Variants in MEI1 observed in about 807,000 individuals in gnomAD.
MEI1 encodes the protein meiosis inhibitor protein 1.
In MEI1, 103 loss-of-function variants were observed where a neutral mutation model predicts 146.2. That is an observed-to-expected ratio of 0.70 (90% CI 0.60 to 0.83). The LOEUF is 0.83. Among genes scored for constraint, MEI1 ranks in the 40% least tolerant of loss-of-function variants. The pLI is 0.00. For missense variants in MEI1, 1,529 were observed against 1,533.0 expected (o/e 1.00, Z 0.04); for synonymous variants, 652 against 628.2 (o/e 1.04, Z -0.57).
At chr22:41,790,076 T>C (rs79121134) in intron 26 of MEI1, among the ~76,000 whole-genome samples, 8,105 of 152,210 alleles carry the variant, frequency 0.053, 670 homozygotes, top group African/African-American at 0.18. Context: ...AAAACTAGTT[T>C]GTTTGTTTTT....
intron 11 of MEI1, among the ~76,000 whole-genome samples, chr22:41,737,736 C>A (rs1232341551): frequency 6.6e-6 from 1 of 152,072 alleles, no homozygotes; most frequent in Non-Finnish European, 1.5e-5. Flanking sequence ...CCGCCTCCCC[C>A]CACTAAAATA....
chr22:41,753,143 G>A (rs1405600378), intron 16 of MEI1, among the ~76,000 whole-genome samples: 1 of 151,768 alleles, frequency 6.6e-6, no homozygotes, highest in Non-Finnish European at 1.5e-5. Context: ...CTCAGCACCT[G>A]AATAGCTGGG....
intron 19 of MEI1, 25 bp downstream of exon 19, chr22:41,763,346 C>T: frequency 6.8e-6 from 11 of 1,611,474 alleles, no homozygotes; most frequent in East Asian, 2.2e-5. Flanking sequence ...GCCTGGGCTC[C>T]TTGTCCTTCT....
At chr22:41,777,010 T>C (rs1437547757) in intron 21 of MEI1, among the ~76,000 whole-genome samples, 2 of 151,744 alleles carry the variant, frequency 1.3e-5, no homozygotes, top group African/African-American at 2.4e-5. Context: ...AGAGACGGGG[T>C]TTCACCATGT....
chr22:41,711,810 G>A (rs951006366), intron 3 of MEI1, among the ~76,000 whole-genome samples: 1 of 152,120 alleles, frequency 6.6e-6, no homozygotes, highest in Admixed American at 6.6e-5. Flanking sequence ...TTGGAGCTAA[G>A]AGATAATGTT....
In MEI1 at chr22:41,778,706, A is replaced by C; in HGVS notation, c.2711-2A>C. The C allele has an allele frequency of 6.3e-7, 1 of 1,596,690 alleles. No homozygotes were observed. Among genetic ancestry groups the C allele is most frequent in the Non-Finnish European group, 8.5e-7 (1 of 1,171,796 alleles). On this transcript the variant is annotated splice_acceptor_variant, in intron 21 of 30. Coordinates refer to ENST00000401548, the MANE Select transcript of MEI1 (RefSeq NM_152513.4). LOFTEE classifies it high-confidence loss of function. The stretch of plus-strand genomic sequence containing the variant: ...TTGCCCAGTCCTCCTTGTTCTTCAC[A>C]GCCTCGGGGAACCTACCATTGCTGC...
rs749397929 is a variant in MEI1, at chr22:41,743,192, C to A, written c.1444C>A (p.Leu482Met). 1 of 1,611,230 alleles carries A rather than the reference C, an allele frequency of 6.2e-7. No homozygotes were observed. Among genetic ancestry groups the A allele is most frequent in the East Asian group, 2.2e-5 (1 of 44,862 alleles). The change falls in exon 12 of 31, where the codon CTG becomes ATG. Residue 482 changes from leucine (L) to methionine (M), a missense_variant and splice_region_variant. Physicochemically the swap from Leu to Met is conservative, Grantham distance 15 (BLOSUM62 2). Around this residue, in one of 3 missense-constraint regions of MEI1, gnomAD observed 1,212 missense variants for 1,178.9 expected, o/e 1.03. Transcript: ENST00000401548. ...FSQTLLSRRP[L>M]GHASSRDSEK... The stretch of plus-strand genomic sequence containing the variant: ...CCAGACCTTGCTGAGCAGGAGGCCC[C>A]TGGTCAGTGTACTGCAGCCTGCTGC...
chr22:41,740,540 G>C (rs2072772740), intron 11 of MEI1, among the ~76,000 whole-genome samples: 1 of 152,032 alleles, frequency 6.6e-6, no homozygotes, highest in African/African-American at 2.4e-5. Flanking sequence ...TCAGGAATTT[G>C]AGACTAGCCT....
At chr22:41,703,626 A>T (rs926487163) in intron 2 of MEI1, among the ~76,000 whole-genome samples, 172 bp downstream of exon 2, 1 of 152,234 alleles carries the variant, frequency 6.6e-6, no homozygotes, top group African/African-American at 2.4e-5. Context: ...CTAAGATCCA[A>T]GATGCATTTT....
intron 22 of MEI1, among the ~76,000 whole-genome samples, chr22:41,780,725 T>C (rs2075717801): frequency 6.6e-6 from 1 of 151,926 alleles, no homozygotes; most frequent in East Asian, 1.9e-4. Flanking sequence ...GGACTACCAG[T>C]GTGTGCCACC....
chr22:41,784,245 T>G, intron 24 of MEI1, 94 bp from the exon 25 acceptor site: 1 of 1,069,676 alleles, frequency 9.3e-7, no homozygotes, highest in Non-Finnish European at 1.4e-6. Flanking sequence ...AGTGGATATG[T>G]GGGGGGAGGT....
intron 30 of MEI1, among the ~76,000 whole-genome samples, chr22:41,797,366 C>T (rs2076400108): frequency 6.6e-6 from 1 of 151,288 alleles, no homozygotes; most frequent in Admixed American, 6.6e-5. Flanking sequence ...AATCCTAGCA[C>T]TTTGGGAGGC....
At position 41,721,626 on chromosome 22, in the gene MEI1, C is replaced by T. The variant is rs367765462; in HGVS notation, c.734-2317C>T. 7.3e-5 allele frequency among the ~76,000 whole-genome samples: 11 copies of T among 151,276 alleles called. No individual in the cohort carries two copies. The East Asian group carries it at 1.8e-3, about 24-fold the overall frequency. On this transcript the variant is annotated intron_variant, in intron 6 of 30. Coordinates refer to ENST00000401548, the MANE Select transcript of MEI1 (RefSeq NM_152513.4). ...CAGGCTGGTCTTGAACTGCTGGGCT[C>T]AAGAGATCCACGTGCCTTGGACTTC...
intron 26 of MEI1, among the ~76,000 whole-genome samples, chr22:41,786,112 G>C (rs938838523): frequency 1.3e-5 from 2 of 149,722 alleles, no homozygotes; most frequent in East Asian, 2.0e-4. Flanking sequence ...GGGTTTCACC[G>C]TGTTAGCCAG....
At chr22:41,733,701 A>G (rs2072067739) in intron 11 of MEI1, among the ~76,000 whole-genome samples, 1 of 152,046 alleles carries the variant, frequency 6.6e-6, no homozygotes, top group Non-Finnish European at 1.5e-5. Context: ...GCGCCACTGC[A>G]CTCCAGCCTG....
At chr22:41,721,195 C>G (rs184829303) in intron 6 of MEI1, among the ~76,000 whole-genome samples, 1 of 151,238 alleles carries the variant, frequency 6.6e-6, no homozygotes, top group Non-Finnish European at 1.5e-5. Context: ...GCCTCGGCCT[C>G]CCAAAGTGCT....
chr22:41,719,961 C>G (rs576768500), intron 6 of MEI1, among the ~76,000 whole-genome samples: 33 of 152,274 alleles, frequency 2.2e-4, no homozygotes, highest in African/African-American at 7.5e-4. Flanking sequence ...TATGAATGAC[C>G]TAGCCATACA....
chr22:41,726,153 C>G (rs902495825), intron 7 of MEI1, among the ~76,000 whole-genome samples: 1 of 152,146 alleles, frequency 6.6e-6, no homozygotes, highest in Non-Finnish European at 1.5e-5. Flanking sequence ...TGGCACACAC[C>G]TGTAATCCCA....
At chr22:41,778,964 A>G (rs752676007) in intron 22 of MEI1, 152 bp downstream of exon 22, 2 of 593,804 alleles carry the variant, frequency 3.4e-6, no homozygotes, top group East Asian at 2.9e-5. Flanking sequence ...TTCTTGCTAA[A>G]GGACCTCTCA....
Sources: allele counts gnomAD v4.1 joint callset (sites outside exome capture counted in the v4.1 genomes callset), GRCh38; gene constraint gnomAD v4.1.1; regional missense constraint gnomAD v4.1.1; transcripts MANE v1.5; gene names NCBI Gene and HGNC (gene_info 2026-07-23, HGNC 2026-07-21).